The following HERC6 variants were observed in gnomAD, a reference collection of about 807,000 sequenced individuals.
HERC6 encodes the protein probable E3 ubiquitin-protein ligase HERC6.
A neutral mutation model predicts 114.5 loss-of-function variants in HERC6; 101 were observed. The observed-to-expected ratio is 0.88, with a 90% CI of 0.75 to 1.04. The LOEUF is 1.04. HERC6 is among the 50% of genes least tolerant of loss of function. The pLI is 0.00. For missense variants in HERC6, 1,133 were observed against 1,230.9 expected (o/e 0.92, Z 1.19); for synonymous variants, 408 against 436.2 (o/e 0.94, Z 0.81).
At chr4:88,412,671 C>T (rs1219149660) in intron 11 of HERC6, among the ~76,000 whole-genome samples, 1 of 152,132 alleles carries the variant, frequency 6.6e-6, no homozygotes, top group Non-Finnish European at 1.5e-5. Flanking sequence ...TCTACTGATA[C>T]ATGAGAAAAC....
At chr4:88,405,741 A>G in intron 10 of HERC6, 128 bp downstream of exon 10, 1 of 433,072 alleles carries the variant, frequency 2.3e-6, no homozygotes, top group South Asian at 6.8e-5. Flanking sequence ...AGAACTCTGT[A>G]GGTTGTTATA....
At chr4:88,422,084 A>T (rs953541746) in intron 13 of HERC6, among the ~76,000 whole-genome samples, 1 of 152,090 alleles carries the variant, frequency 6.6e-6, no homozygotes, top group African/African-American at 2.4e-5. Flanking sequence ...TTTATGCACA[A>T]ATGTTTTTTA....
At chr4:88,413,409 C>A in intron 12 of HERC6, 143 bp downstream of exon 12, 3 of 617,884 alleles carry the variant, frequency 4.9e-6, no homozygotes, top group Non-Finnish European at 8.2e-6. Context: ...GATTAATAAT[C>A]TAAAGCTATT....
rs186690354 is a variant in HERC6, at chr4:88,396,719, G to C, written c.888-132G>C. The C allele has an allele frequency of 2.1e-4, 150 of 699,294 alleles. 1 individual carries two copies. In the African/African-American group the frequency reaches 2.5e-3, roughly 12 times the overall value. 43.3% of individuals were successfully genotyped at this position (699,294 alleles called of 1,614,324 possible). On this transcript the variant is annotated intron_variant, in intron 6 of 22. Transcript: ENST00000264346. ...TGATGCCCTCTAACACTGACATTGT[G>C]ATAAGGGAGCTGCGTACTTAGTAAA... is the stretch of plus-strand genomic sequence containing the variant.
Position 88,390,919 on chromosome 4 carries a change from C to T in HERC6, c.664+40C>T, listed in dbSNP as rs777141085. On this transcript the variant is annotated intron_variant, in intron 4 of 22. Coordinates refer to ENST00000264346, the MANE Select transcript of HERC6 (RefSeq NM_017912.4). The stretch of plus-strand genomic sequence containing the variant: ...TTGTTTGTGCAGTAAATCATTCTTT[C>T]TTTCCAGGTGGAAGACCAACTTGGC... 26 of 1,529,864 alleles carry T rather than the reference C, an allele frequency of 1.7e-5. 1 individual carries two copies. The highest frequency in any genetic ancestry group is 1.2e-4 in the South Asian group (10 of 82,736). 94.8% of individuals were successfully genotyped at this position (1,529,864 alleles called of 1,614,324 possible).
In HERC6 at chr4:88,396,150, G is replaced by C. The variant is rs747435959; in HGVS notation, c.887+8G>C. On this transcript the variant is annotated splice_region_variant and intron_variant, in intron 6 of 22. Coordinates refer to ENST00000264346, the MANE Select transcript of HERC6 (RefSeq NM_017912.4). ...GCAGATAGATTGTGGAAGGTAATAG[G>C]CTTCTTCTTCTTCTTTTTCTTAGCA... 6.4e-7 allele frequency: 1 copy of C among 1,559,080 alleles called. No homozygotes were observed. The highest frequency in any genetic ancestry group is 1.4e-5 in the African/African-American group (1 of 72,112).
intron 11 of HERC6, among the ~76,000 whole-genome samples, chr4:88,410,845 G>A (rs1578391512): frequency 6.6e-6 from 1 of 152,108 alleles, no homozygotes. Flanking sequence ...ACAAATGGAA[G>A]GTATGACAGT....
intron 1 of HERC6, among the ~76,000 whole-genome samples, 151 bp downstream of exon 1, chr4:88,379,271 C>T (rs985791887): frequency 6.6e-6 from 1 of 152,034 alleles, no homozygotes; most frequent in African/African-American, 2.4e-5. Flanking sequence ...AGATGCTGGG[C>T]GCCGCGGGCC....
At chr4:88,433,446 G>A (rs1393870530) in intron 17 of HERC6, among the ~76,000 whole-genome samples, 1 of 152,154 alleles carries the variant, frequency 6.6e-6, no homozygotes, top group Non-Finnish European at 1.5e-5. Flanking sequence ...AGGTACTTGG[G>A]TCATGAGAGT....
At position 88,413,079 on chromosome 4, in the gene HERC6, A is replaced by G; in HGVS notation, c.1371A>G (p.Ile457Met). The change falls in exon 12 of 23, where the codon ATA becomes ATG. Residue 457 changes from isoleucine (I) to methionine (M), a missense_variant and splice_region_variant. Ile to Met is a conservative substitution (Grantham distance 10, BLOSUM62 1). This residue lies in a region of HERC6 where 735 missense variants were observed against 754.0 expected (regional missense o/e 0.97). Coordinates refer to ENST00000264346, the MANE Select transcript of HERC6 (RefSeq NM_017912.4). ...CCCTGATCCTATTTTTACCACAGATAACTACGTGTCTCGAGGATGATCTGC... is the reference window on the plus strand; with the variant it reads ...CCCTGATCCTATTTTTACCACAGATGACTACGTGTCTCGAGGATGATCTGC... ...LTKKEWISSM[I>M]TTCLEDDLLR... The G allele has an allele frequency of 6.2e-7, 1 of 1,602,284 alleles. No individual in the cohort carries two copies. Among genetic ancestry groups the G allele is most frequent in the Non-Finnish European group, 8.5e-7 (1 of 1,175,356 alleles).
Position 88,428,719 on chromosome 4 carries a change from C to A in HERC6, c.2075C>A (p.Ala692Asp). The change falls in exon 16 of 23, where the codon GCT becomes GAT. Residue 692 changes from alanine (A) to aspartate (D), a missense_variant. This residue lies in a region of HERC6 where 388 missense variants were observed against 445.9 expected (regional missense o/e 0.87). Transcript: ENST00000264346. ...VKDALRQLSQ[A>D]EATDFCKVLV... ...GATGCTCTGCGTCAATTAAGTCAAG[C>A]TGAAGCTACTGACTTCTGCAAAGTA... 1.9e-6 allele frequency: 3 copies of A among 1,583,878 alleles called. No homozygotes were observed. The highest frequency in any genetic ancestry group is 2.3e-5 in the East Asian group (1 of 44,194).
rs1244079512 is a variant in HERC6, at chr4:88,435,790, A to G, written c.2316A>G (p.Leu772=). The change falls in exon 18 of 23, where the codon TTA becomes TTG. Residue 772 remains leucine, a synonymous_variant. Transcript: ENST00000264346. ...TGTGTGGACTCTCCTTATTCAATTTAAATGTTGCTAACCTTCCTTTCCCAC... is the reference window on the plus strand; with the variant it reads ...TGTGTGGACTCTCCTTATTCAATTTGAATGTTGCTAACCTTCCTTTCCCAC... ...GMLCGLSLFN[L]NVANLPFPLA... 5 of 1,611,370 alleles carry G rather than the reference A, an allele frequency of 3.1e-6. No homozygotes were observed. In the South Asian group the frequency reaches 5.5e-5, roughly 18 times the overall value.
At chr4:88,379,808 T>C (rs1440534857) in intron 1 of HERC6, among the ~76,000 whole-genome samples, 1 of 80,892 alleles carries the variant, frequency 1.2e-5, no homozygotes, top group Non-Finnish European at 2.1e-5. Flanking sequence ...ATATAATATA[T>C]AAATATATAT....
intron 5 of HERC6, among the ~76,000 whole-genome samples, chr4:88,394,214 C>G (rs1443792530): frequency 2.0e-5 from 3 of 151,998 alleles, no homozygotes; most frequent in Non-Finnish European, 2.9e-5. Context: ...GTGGCTCATG[C>G]CTATAATCCC....
Position 88,417,514 on chromosome 4 carries a change from A to C in HERC6, c.1648A>C (p.Thr550Pro). The stretch of plus-strand genomic sequence containing the variant: ...CATCATCTCTCAGCTGCTTCATCAG[A>C]CTAAAACCGAACAGGATCACTGTAA... ...AAIISQLLHQ[T>P]KTEQDHCNVK... The change falls in exon 13 of 23, where the codon ACT becomes CCT. Residue 550 changes from threonine (T) to proline (P), a missense_variant. Around this residue, in one of 3 missense-constraint regions of HERC6, gnomAD observed 735 missense variants for 754.0 expected, o/e 0.97. Transcript: ENST00000264346. The C allele has an allele frequency of 6.2e-7, 1 of 1,612,736 alleles. No homozygotes were observed. Among genetic ancestry groups the C allele is most frequent in the Non-Finnish European group, 8.5e-7 (1 of 1,179,396 alleles).
intron 19 of HERC6, 129 bp downstream of exon 19, chr4:88,437,100 AG>A: frequency 3.3e-6 from 2 of 612,352 alleles, no homozygotes. Context: ...TCTGTCACCC[AG>A]GTTGGAGTAC....
intron 3 of HERC6, among the ~76,000 whole-genome samples, chr4:88,386,639 T>A (rs115785747): frequency 0.022 from 3,357 of 152,234 alleles, 126 homozygotes; most frequent in African/African-American, 0.076. Context: ...GATAATAAAT[T>A]GTGGGAAAGT....
At chr4:88,400,680 A>G (rs1457324858) in intron 8 of HERC6, among the ~76,000 whole-genome samples, 1 of 152,236 alleles carries the variant, frequency 6.6e-6, no homozygotes, top group African/African-American at 2.4e-5. Context: ...CACAAGAAGT[A>G]GGGTGAATAC....
At chr4:88,386,135 G>A (rs1258921200) in intron 3 of HERC6, among the ~76,000 whole-genome samples, 1 of 151,358 alleles carries the variant, frequency 6.6e-6, no homozygotes, top group African/African-American at 2.4e-5. Context: ...TTGGGAACCT[G>A]CAAATTAAAT....
Sources: gnomAD v4.1 joint callset for allele counts (sites outside exome capture counted in the v4.1 genomes callset) on GRCh38, gnomAD v4.1.1 for gene constraint, gnomAD v4.1.1 regional missense constraint, MANE v1.5 for transcripts, NCBI Gene and HGNC (gene_info 2026-07-23, HGNC 2026-07-21) for gene names.